The following TNNC2 variants were observed in gnomAD, a reference collection of about 807,000 sequenced individuals.
TNNC2 encodes troponin C, skeletal muscle.
Under a neutral mutation model 20.0 loss-of-function variants are expected in TNNC2, and 14 were observed. That is an observed-to-expected ratio of 0.70 (90% CI 0.46 to 1.09). The LOEUF is 1.09. TNNC2 is among the 50% of genes least tolerant of loss of function. The pLI is 0.00. For synonymous variants in TNNC2, 81 were observed against 77.3 expected, an observed-to-expected ratio of 1.05 and a Z score of -0.25; for missense variants, 163 against 223.8, an observed-to-expected ratio of 0.73 and a Z score of 1.73.
chr20:45,824,207 A>C (rs1982891878), intron 4 of TNNC2, 80 bp from the exon 5 acceptor site: 1 of 1,597,816 alleles, frequency 6.3e-7, no homozygotes, highest in African/African-American at 1.3e-5. Flanking sequence ...CCGCTTCCGC[A>C]CTCCCAACAC....
intron 2 of TNNC2, 72 bp from the exon 3 acceptor site, chr20:45,824,710 C>CCCCCCCT: frequency 6.3e-7 from 1 of 1,593,542 alleles, no homozygotes; most frequent in Non-Finnish European, 8.5e-7. Flanking sequence ...CCCCCCAACC[C>CCCCCCCT]CCACCCTGCC....
chr20:45,829,143 G>C (rs1221609901), upstream of TNNC2, among the ~76,000 whole-genome samples: 1 of 146,596 alleles, frequency 6.8e-6, no homozygotes, highest in Non-Finnish European at 1.5e-5. Context: ...ACTACGCCCA[G>C]CTAATTTTTG....
chr20:45,829,243 CA>C (rs1983052207), upstream of TNNC2, among the ~76,000 whole-genome samples: 1 of 149,082 alleles, frequency 6.7e-6, no homozygotes, highest in South Asian at 2.1e-4. Context: ...CGGCTCACCA[CA>C]ACCTCCGCCT....
upstream of TNNC2, among the ~76,000 whole-genome samples, chr20:45,829,160 G>GTTTTTTTTTTTTTTTTTTTT: frequency 1.0e-5 from 1 of 98,282 alleles, no homozygotes; most frequent in Non-Finnish European, 2.1e-5. Context: ...TTTGTTTTTG[G>GTTTTTTTTTTTTTTTTTTTT]TTTTTTTTTT....
At chr20:45,830,779 G>C (rs73911118), upstream of TNNC2, among the ~76,000 whole-genome samples, 9,416 of 152,254 alleles carry the variant, frequency 0.062, 550 homozygotes, top group African/African-American at 0.15. Flanking sequence ...GAGGTAATGA[G>C]CTCCGTATCA....
intron 2 of TNNC2, chr20:45,833,156 AAGAAAGAAAGAGAG>A (rs1176582130): frequency 9.1e-6 from 1 of 109,678 alleles, no homozygotes; most frequent in African/African-American, 3.2e-5. Flanking sequence ...AAGAGAAAGA[AAGAAAGAAAGAGAG>A]AGAGAGAAAG....
chr20:45,827,431 CCA>C (rs1983002178), upstream of TNNC2: 2 of 695,754 alleles, frequency 2.9e-6, no homozygotes, highest in East Asian at 5.5e-5. Flanking sequence ...CCCACCCCTC[CCA>C]CAGTCTGAAC....
Position 45,824,494 on chromosome 20 carries a change from C to T in TNNC2, c.199+1G>A. The T allele has an allele frequency of 3.7e-6, 6 of 1,613,520 alleles. No homozygotes were observed. The highest frequency in any genetic ancestry group is 5.1e-6 in the Non-Finnish European group (6 of 1,180,012). On this transcript the variant is annotated splice_donor_variant, in intron 3 of 5. Transcript: ENST00000372555. LOFTEE classifies it high-confidence loss of function. ...CCTGCCTCCGAGGGACACCCGCTCA[C>T]CGTCCTCATCCACCTCCTCGATGAT...
upstream of TNNC2, among the ~76,000 whole-genome samples, chr20:45,829,160 GTTTT>G (rs57079984): frequency 1.0e-5 from 1 of 98,282 alleles, no homozygotes; most frequent in Non-Finnish European, 2.1e-5. Flanking sequence ...TTTGTTTTTG[GTTTT>G]TTTTTTTTTT....
intron 3 of TNNC2, 28 bp downstream of exon 3, chr20:45,824,466 TC>T (rs761291318): frequency 1.5e-5 from 24 of 1,612,338 alleles, no homozygotes; most frequent in Non-Finnish European, 2.0e-5. Context: ...CTCCCCACCA[TC>T]CCCTGCCTCC....
intron 4 of TNNC2, 22 bp downstream of exon 4, chr20:45,824,270 G>T: frequency 6.2e-7 from 1 of 1,608,022 alleles, no homozygotes; most frequent in African/African-American, 1.3e-5. Flanking sequence ...CCCCTCCCTC[G>T]GCTCCCGGGC....
upstream of TNNC2, among the ~76,000 whole-genome samples, chr20:45,830,276 C>T (rs1983076744): frequency 7.0e-6 from 1 of 143,566 alleles, no homozygotes. Flanking sequence ...GCGAAGGTTG[C>T]ACTGAGCCAA....
chr20:45,823,919 G>A lies in TNNC2; in HGVS notation c.451+72C>T, dbSNP rs1982876684. 4 of 1,602,224 alleles carry A rather than the reference G, an allele frequency of 2.5e-6. No homozygotes were observed. The highest frequency in any genetic ancestry group is 2.6e-6 in the Non-Finnish European group (3 of 1,173,466). ...CCCACAAGGCCAAGGACACTGCACC[G>A]GAGCCAGGCACCAGTGCCCGCCGTC... On this transcript the variant is annotated intron_variant, in intron 5 of 5. Transcript: ENST00000372555. The surrounding 1 kb of genome is among the most constrained non-coding windows in gnomAD (Gnocchi z 4.6).
intron 1 of TNNC2, 112 bp downstream of exon 1, chr20:45,827,134 T>C (rs1227390099): frequency 8.8e-5 from 127 of 1,440,882 alleles, no homozygotes; most frequent in Non-Finnish European, 1.2e-4. Flanking sequence ...GGAACCTCCA[T>C]GCTCCAACCT....
upstream of TNNC2, among the ~76,000 whole-genome samples, chr20:45,829,652 C>T (rs1225246774): frequency 1.3e-5 from 2 of 151,654 alleles, no homozygotes; most frequent in Admixed American, 6.6e-5. Context: ...TGGTGGTGGG[C>T]GCCTGTAGTC....
chr20:45,830,339 A>C (rs986604312), upstream of TNNC2, among the ~76,000 whole-genome samples: 30 of 150,074 alleles, frequency 2.0e-4, no homozygotes, highest in Non-Finnish European at 5.9e-5. Flanking sequence ...GCATCTCAAA[A>C]AAAAAAAAAA....
chr20:45,823,661 T>C lies in TNNC2; in HGVS notation c.452-282A>G, dbSNP rs1041667444. On this transcript the variant is annotated intron_variant, in intron 5 of 5. Coordinates refer to ENST00000372555, the MANE Select transcript of TNNC2 (RefSeq NM_003279.3). The surrounding 1 kb of genome is among the most constrained non-coding windows in gnomAD (Gnocchi z 4.6). ...TGCCACCACACCTGCCTTTTTATTTTATTTTATTTTTTGTAAAGACAGGGT... is the reference window on the plus strand; with the variant it reads ...TGCCACCACACCTGCCTTTTTATTTCATTTTATTTTTTGTAAAGACAGGGT... Among the ~76,000 whole-genome samples the C allele has an allele frequency of 2.0e-5, 3 of 151,982 alleles. No homozygotes were observed. The highest frequency in any genetic ancestry group is 2.9e-5 in the Non-Finnish European group (2 of 67,984).
At chr20:45,826,770 C>G (rs892234180) in intron 1 of TNNC2, among the ~76,000 whole-genome samples, 2 of 152,184 alleles carry the variant, frequency 1.3e-5, no homozygotes, top group South Asian at 2.1e-4. Flanking sequence ...ATCTTCTGCC[C>G]CTTCCCATCA....
At chr20:45,831,892 G>A (rs562513348), upstream of TNNC2, among the ~76,000 whole-genome samples, 1 of 152,196 alleles carries the variant, frequency 6.6e-6, no homozygotes, top group African/African-American at 2.4e-5. Flanking sequence ...GGCATATACC[G>A]AAGGACAAGT....
Sources: gnomAD v4.1 joint callset for allele counts (sites outside exome capture counted in the v4.1 genomes callset) on GRCh38, gnomAD v4.1.1 for gene constraint, Gnocchi (gnomAD v3.1) non-coding constraint, MANE v1.5 for transcripts, NCBI Gene and HGNC (gene_info 2026-07-23, HGNC 2026-07-21) for gene names.